The following BIN3 variants were observed in gnomAD, a reference collection of about 807,000 sequenced individuals.
The protein encoded by BIN3 is bridging integrator 3.
A neutral mutation model predicts 38.2 loss-of-function variants in BIN3; 41 were observed. The observed-to-expected ratio is 1.07, with a 90% CI of 0.84 to 1.39. BIN3 has a LOEUF of 1.39. Among genes scored for constraint, BIN3 ranks in the 40% most tolerant of loss-of-function variants. The pLI, the probability that BIN3 is intolerant of heterozygous loss-of-function variation, is 0.00. For missense variants in BIN3, 361 were observed against 324.3 expected (o/e 1.11, Z -0.87); for synonymous variants, 145 against 122.6 (o/e 1.18, Z -1.21).
At chr8:22,665,878 A>T (rs1377900125) in intron 1 of BIN3, among the ~76,000 whole-genome samples, 4 of 152,194 alleles carry the variant, frequency 2.6e-5, no homozygotes, top group Admixed American at 2.6e-4. Context: ...AGTCAGAAAA[A>T]TATCACTCCA....
chr8:22,635,437 T>C (rs1177222535), intron 4 of BIN3, among the ~76,000 whole-genome samples: 5 of 152,126 alleles, frequency 3.3e-5, no homozygotes, highest in Non-Finnish European at 1.5e-5. Flanking sequence ...CCCAAGTCTC[T>C]TTCAGGTCCT....
At chr8:22,651,629 CCT>C (rs1454835444) in intron 1 of BIN3, among the ~76,000 whole-genome samples, 8 of 152,310 alleles carry the variant, frequency 5.3e-5, no homozygotes, top group East Asian at 1.9e-4. Context: ...GCATTGCTCC[CCT>C]GTCTTCTAAC....
At chr8:22,644,901 G>T in intron 1 of BIN3, 98 bp from the exon 2 acceptor site, 1 of 1,077,316 alleles carries the variant, frequency 9.3e-7, no homozygotes, top group Non-Finnish European at 1.4e-6. Flanking sequence ...CCAGGAGGGC[G>T]AGGAAGCGTG....
At chr8:22,651,031 C>T (rs1802874095) in intron 1 of BIN3, among the ~76,000 whole-genome samples, 1 of 152,208 alleles carries the variant, frequency 6.6e-6, no homozygotes, top group Admixed American at 6.5e-5. Flanking sequence ...AGCCGATGTA[C>T]TGAGTCACAA....
At chr8:22,647,323 G>C (rs1390327060) in intron 1 of BIN3, among the ~76,000 whole-genome samples, 1 of 152,140 alleles carries the variant, frequency 6.6e-6, no homozygotes, top group Non-Finnish European at 1.5e-5. Flanking sequence ...TAGTATCACG[G>C]TATTTTTAGA....
chr8:22,627,910 G>T (rs904808200), intron 6 of BIN3, among the ~76,000 whole-genome samples: 9 of 152,378 alleles, frequency 5.9e-5, no homozygotes, highest in African/African-American at 2.2e-4. Flanking sequence ...GTAAGCTCCT[G>T]AAGTCTGTTT....
In BIN3 at chr8:22,624,197, C is replaced by T. The variant is rs201493361; in HGVS notation, c.480+25G>A. 285 of 1,608,916 alleles carry T rather than the reference C, an allele frequency of 1.8e-4. No homozygotes were observed. In the Admixed American group the frequency reaches 2.1e-3, roughly 12 times the overall value. ...ACCACGATGGCCCACCTGTCTAGCC[C>T]CTGCCCACCTGTCTCCCCTGGTACC... On this transcript the variant is annotated intron_variant, in intron 7 of 8. Transcript: ENST00000276416.
intron 2 of BIN3, among the ~76,000 whole-genome samples, chr8:22,642,362 A>C (rs1212507408): frequency 2.6e-5 from 4 of 152,076 alleles, no homozygotes; most frequent in Non-Finnish European, 5.9e-5. Context: ...GGGGAATGAG[A>C]CTGAAGAGGC....
chr8:22,640,480 C>T (rs1044195687), intron 2 of BIN3, among the ~76,000 whole-genome samples: 6 of 152,158 alleles, frequency 3.9e-5, no homozygotes, highest in South Asian at 2.1e-4. Context: ...TGAGCCACCG[C>T]GCACGGCCCA....
rs1201192280 is a variant in BIN3 at position 22,669,118 on chromosome 8, A to T, written c.-67T>A. Reference sequence around the variant, plus strand: ...CTCGTTTCTCTAGGGTCACTTCCGGATTCAACCAGTCTCCAGGAAGTGACG... The same window carrying T: ...CTCGTTTCTCTAGGGTCACTTCCGGTTTCAACCAGTCTCCAGGAAGTGACG... On this transcript the variant is annotated 5_prime_UTR_variant, in exon 1 of 9. Transcript: ENST00000276416. 1 of 1,552,528 alleles carries T rather than the reference A, an allele frequency of 6.4e-7. No homozygotes were observed. Among genetic ancestry groups the T allele is most frequent in the African/African-American group, 1.4e-5 (1 of 73,210 alleles).
intron 8 of BIN3, among the ~76,000 whole-genome samples, chr8:22,622,325 G>A (rs1801851732): frequency 6.6e-6 from 1 of 152,258 alleles, no homozygotes; most frequent in African/African-American, 2.4e-5. Flanking sequence ...CTCTAGACAT[G>A]AGGAGGAGCT....
At chr8:22,627,313 A>G (rs2117507353) in intron 6 of BIN3, among the ~76,000 whole-genome samples, 1 of 151,716 alleles carries the variant, frequency 6.6e-6, no homozygotes, top group African/African-American at 2.4e-5. Context: ...GCTGAAGAGT[A>G]GTGGACCAGG....
chr8:22,668,115 G>C (rs890856715), intron 1 of BIN3, among the ~76,000 whole-genome samples: 1 of 152,182 alleles, frequency 6.6e-6, no homozygotes, highest in African/African-American at 2.4e-5. Flanking sequence ...CTGAGGTCCA[G>C]GGTTGTGGCT....
chr8:22,639,435 T>C (rs1802469500), intron 2 of BIN3, among the ~76,000 whole-genome samples: 1 of 152,192 alleles, frequency 6.6e-6, no homozygotes, highest in Non-Finnish European at 1.5e-5. Context: ...TTTTGCTATG[T>C]TGCCTAGGCT....
intron 2 of BIN3, among the ~76,000 whole-genome samples, chr8:22,641,415 A>ACAG (rs1802555729): frequency 6.6e-6 from 1 of 152,200 alleles, no homozygotes; most frequent in African/African-American, 2.4e-5. Context: ...CTCAGTATGA[A>ACAG]GTGAATGAAC....
chr8:22,631,963 A>C (rs2117521385), intron 4 of BIN3, among the ~76,000 whole-genome samples: 1 of 152,352 alleles, frequency 6.6e-6, no homozygotes, highest in African/African-American at 2.4e-5. Context: ...TGCTGGCCTG[A>C]TGCCGTCTGT....
chr8:22,636,176 C>T (rs1488423588), intron 4 of BIN3, among the ~76,000 whole-genome samples: 2 of 152,226 alleles, frequency 1.3e-5, no homozygotes, highest in East Asian at 1.9e-4. Context: ...CTCGTTTCTG[C>T]GGGAAGGAAT....
intron 1 of BIN3, among the ~76,000 whole-genome samples, chr8:22,655,772 GGTTT>G (rs1803039877): frequency 6.6e-6 from 1 of 151,972 alleles, no homozygotes; most frequent in African/African-American, 2.4e-5. Context: ...GAATTTTAGT[GGTTT>G]ATTTTTTATA....
intron 2 of BIN3, among the ~76,000 whole-genome samples, chr8:22,642,614 C>T (rs1563965330): frequency 1.3e-5 from 2 of 152,170 alleles, no homozygotes; most frequent in Non-Finnish European, 2.9e-5. Context: ...TATTTTGTGC[C>T]AGACACTGTG....
Sources: gnomAD v4.1 joint callset for allele counts (sites outside exome capture counted in the v4.1 genomes callset) on GRCh38, gnomAD v4.1.1 for gene constraint, MANE v1.5 for transcripts, NCBI Gene and HGNC (gene_info 2026-07-23, HGNC 2026-07-21) for gene names.